The following CNOT1 variants were observed in gnomAD, a reference collection of about 807,000 sequenced individuals.
CNOT1 encodes CCR4-associated factor 1.
In CNOT1, 15 loss-of-function variants were observed where a neutral mutation model predicts 273.8. That is an observed-to-expected ratio of 0.05 (90% CI 0.04 to 0.08). CNOT1 has a LOEUF of 0.08. Ranked by LOEUF, CNOT1 falls within the 10% of genes least tolerant of loss-of-function variation. CNOT1 has a pLI of 1.00. For synonymous variants in CNOT1, 1,022 were observed against 1,005.5 expected (o/e 1.02, Z -0.31); for missense variants, 1,644 against 2,912.2 (o/e 0.56, Z 10.02).
chr16:58,579,160 A>C (rs1197380315), intron 12 of CNOT1, among the ~76,000 whole-genome samples: 1 of 152,222 alleles, frequency 6.6e-6, no homozygotes, highest in African/African-American at 2.4e-5. Context: ...CTCTATCCTC[A>C]GCCCATGAAA....
At chr16:58,535,724 A>C (rs2039907451) in intron 39 of CNOT1, among the ~76,000 whole-genome samples, 1 of 151,656 alleles carries the variant, frequency 6.6e-6, no homozygotes, top group South Asian at 2.1e-4. Flanking sequence ...AAGTAAACCT[A>C]ATTTCTTTTT....
At chr16:58,606,335 G>T (rs184634754) in intron 1 of CNOT1, among the ~76,000 whole-genome samples, 8 of 152,102 alleles carry the variant, frequency 5.3e-5, no homozygotes, top group African/African-American at 1.4e-4. Flanking sequence ...TAAAAAGATC[G>T]CCTGAGCCCA....
intron 1 of CNOT1, among the ~76,000 whole-genome samples, chr16:58,605,114 C>T (rs562481309): frequency 4.3e-4 from 66 of 152,088 alleles, no homozygotes; most frequent in African/African-American, 1.2e-3. Context: ...GCAGCGTAGG[C>T]GACAGAGCAA....
At chr16:58,584,357 G>A (rs2041763902) in intron 8 of CNOT1, among the ~76,000 whole-genome samples, 1 of 151,452 alleles carries the variant, frequency 6.6e-6, no homozygotes, top group African/African-American at 2.4e-5. Context: ...TTTTGACGAA[G>A]TCTCGCTTTG....
chr16:58,558,707 ATACT>A, intron 17 of CNOT1, 33 bp from the exon 18 acceptor site: 1 of 1,594,448 alleles, frequency 6.3e-7, no homozygotes, highest in Non-Finnish European at 8.5e-7. Context: ...TGTATTAAAC[ATACT>A]TCGAGGAAAG....
intron 1 of CNOT1, among the ~76,000 whole-genome samples, chr16:58,626,984 G>C (rs1328026273): frequency 6.6e-6 from 1 of 151,982 alleles, no homozygotes; most frequent in Non-Finnish European, 1.5e-5. Flanking sequence ...AAAAAAATTA[G>C]TCCCAAAATA....
intron 38 of CNOT1, 75 bp from the exon 39 acceptor site, chr16:58,537,295 G>A (rs2039955173): frequency 2.1e-5 from 31 of 1,505,850 alleles, no homozygotes; most frequent in Non-Finnish European, 2.7e-5. Flanking sequence ...TGTATAGTTT[G>A]CTTATTTAAC....
chr16:58,568,810 A>C (rs2041158843), intron 16 of CNOT1, among the ~76,000 whole-genome samples: 1 of 152,242 alleles, frequency 6.6e-6, no homozygotes, highest in South Asian at 2.1e-4. Context: ...CTTAGCTGAC[A>C]ACAAGGCTAA....
chr16:58,585,659 G>A (rs913341891), intron 7 of CNOT1, among the ~76,000 whole-genome samples, 153 bp from the exon 8 acceptor site: 3 of 152,062 alleles, frequency 2.0e-5, no homozygotes, highest in Admixed American at 6.6e-5. Context: ...CCGAAGTTAC[G>A]ACTTTAACAT....
At chr16:58,586,046 G>A (rs1381550800) in intron 7 of CNOT1, among the ~76,000 whole-genome samples, 1 of 150,422 alleles carries the variant, frequency 6.6e-6, no homozygotes, top group East Asian at 2.0e-4. Flanking sequence ...AAATAACTAG[G>A]ATTTATCTTA....
chr16:58,575,553 C>G (rs2151966268), intron 14 of CNOT1, among the ~76,000 whole-genome samples: 1 of 152,290 alleles, frequency 6.6e-6, no homozygotes, highest in East Asian at 1.9e-4. Context: ...AATCCCAGCA[C>G]TTTGGGAGGC....
intron 31 of CNOT1, 44 bp from the exon 32 acceptor site, chr16:58,542,612 A>G: frequency 6.3e-7 from 1 of 1,578,964 alleles, no homozygotes; most frequent in Non-Finnish European, 8.6e-7. Flanking sequence ...ATAGAAGGAA[A>G]AAGACTTGAA....
intron 22 of CNOT1, among the ~76,000 whole-genome samples, chr16:58,552,285 A>G (rs558837597): frequency 3.9e-5 from 6 of 152,242 alleles, no homozygotes; most frequent in Non-Finnish European, 8.8e-5. Context: ...ATTTAGAGTG[A>G]TAAGGATCCT....
intron 1 of CNOT1, among the ~76,000 whole-genome samples, chr16:58,602,553 CAAAAAAAAAAAAAA>C (rs60230860): frequency 1.7e-5 from 1 of 57,964 alleles, no homozygotes; most frequent in South Asian, 7.9e-4. Flanking sequence ...ACTCTGTCTC[CAAAAAAAAAAAAAA>C]AAAAAAAAAA....
At chr16:58,627,913 C>T (rs752263938) in intron 1 of CNOT1, among the ~76,000 whole-genome samples, 5 of 152,252 alleles carry the variant, frequency 3.3e-5, no homozygotes, top group African/African-American at 1.2e-4. Context: ...CTGCAACCTC[C>T]GCCTCCCGGG....
intron 47 of CNOT1, 174 bp downstream of exon 47, chr16:58,523,196 G>C (rs938567548): frequency 4.1e-6 from 2 of 488,002 alleles, no homozygotes; most frequent in African/African-American, 4.0e-5. Flanking sequence ...AGTGAGCCAA[G>C]ATGGCGCCAC....
chr16:58,571,477 T>C (rs533408639), intron 16 of CNOT1, among the ~76,000 whole-genome samples: 1 of 152,130 alleles, frequency 6.6e-6, no homozygotes, highest in Admixed American at 6.5e-5. Context: ...GGAAAATCAA[T>C]GAAACGTGGG....
intron 1 of CNOT1, among the ~76,000 whole-genome samples, chr16:58,600,311 G>A (rs944043841): frequency 2.0e-5 from 3 of 152,146 alleles, no homozygotes; most frequent in African/African-American, 7.2e-5. Context: ...CAGCCTGGGT[G>A]AGAAAGTGGT....
intron 18 of CNOT1, among the ~76,000 whole-genome samples, 153 bp from the exon 19 acceptor site, chr16:58,557,146 T>A (rs1192475239): frequency 6.6e-6 from 1 of 152,206 alleles, no homozygotes. Flanking sequence ...CCTTATTACA[T>A]CTATTCAATT....
Sources: gnomAD v4.1 joint callset for allele counts (sites outside exome capture counted in the v4.1 genomes callset) on GRCh38, gnomAD v4.1.1 for gene constraint, MANE v1.5 for transcripts, NCBI Gene and HGNC (gene_info 2026-07-23, HGNC 2026-07-21) for gene names.